The following USP13 variants were observed in gnomAD, a reference collection of about 807,000 sequenced individuals.
The protein encoded by USP13 is ubiquitin specific peptidase 13.
USP13 carries 68 observed loss-of-function variants against 107.8 expected under a neutral mutation model. That is an observed-to-expected ratio of 0.63 (90% CI 0.52 to 0.77). The LOEUF (loss-of-function observed/expected upper bound fraction) is 0.77, where lower values mean the gene tolerates loss of function less well. Ranked by LOEUF, USP13 falls within the 30% of genes least tolerant of loss-of-function variation. USP13 has a pLI of 0.00. For synonymous variants in USP13, 377 were observed against 389.5 expected (o/e 0.97, Z 0.38); for missense variants, 945 against 1,093.3 (o/e 0.86, Z 1.91).
chr3:179,762,129 T>C (rs1020185789), intron 17 of USP13, among the ~76,000 whole-genome samples: 4 of 152,226 alleles, frequency 2.6e-5, no homozygotes, highest in African/African-American at 4.8e-5. Flanking sequence ...GAATCTGTTT[T>C]CTGGATCAAG....
chr3:179,751,869 C>T (rs545220476), intron 13 of USP13, among the ~76,000 whole-genome samples: 7 of 151,870 alleles, frequency 4.6e-5, no homozygotes, highest in South Asian at 4.2e-4. Context: ...TACAGGCGTG[C>T]CCCAATCCCC....
At chr3:179,689,253 A>G (rs555253876) in intron 2 of USP13, among the ~76,000 whole-genome samples, 1 of 152,298 alleles carries the variant, frequency 6.6e-6, no homozygotes, top group African/African-American at 2.4e-5. Flanking sequence ...ATTATACTTG[A>G]TTTGAGAGTA....
intron 1 of USP13, among the ~76,000 whole-genome samples, chr3:179,664,447 C>T (rs927161019): frequency 2.6e-5 from 4 of 152,058 alleles, no homozygotes; most frequent in African/African-American, 9.7e-5. Flanking sequence ...TAGGTTTGAC[C>T]CTTGAAAAGC....
chr3:179,771,305 G>A (rs973218907), intron 19 of USP13, among the ~76,000 whole-genome samples: 8 of 152,158 alleles, frequency 5.3e-5, no homozygotes, highest in Non-Finnish European at 7.3e-5. Flanking sequence ...GTGAGACTCC[G>A]TTATGTGCCC....
chr3:179,726,186 A>G (rs1713509600), intron 8 of USP13, among the ~76,000 whole-genome samples: 1 of 152,224 alleles, frequency 6.6e-6, no homozygotes, highest in African/African-American at 2.4e-5. Flanking sequence ...GGAGCTGCCA[A>G]GCAAGGATCT....
chr3:179,670,515 G>A (rs896229006), intron 1 of USP13, among the ~76,000 whole-genome samples: 2 of 151,978 alleles, frequency 1.3e-5, no homozygotes, highest in African/African-American at 2.4e-5. Flanking sequence ...CAGTGTTCCC[G>A]ATTAGTTTCA....
rs917157711 is a variant in USP13 at position 179,784,390 on chromosome 3, CA to C, written c.*256del. On this transcript the variant is annotated 3_prime_UTR_variant, in exon 21 of 21. Transcript: ENST00000263966. ...TCAAAAAGATGATGATATTTAAAAA[CA>C]AAAAAAGTATTCATATTGCTGGTGG... The C allele has an allele frequency of 4.7e-5, 18 of 379,758 alleles. No homozygotes were observed. The highest frequency in any genetic ancestry group is 7.5e-5 in the Non-Finnish European group (16 of 212,196). 23.5% of individuals were successfully genotyped at this position (379,758 alleles called of 1,614,324 possible). A position where few individuals can be genotyped will look rare whatever the true frequency, so the allele number is the denominator to read the frequency against.
chr3:179,716,635 C>A (rs1450524971), intron 6 of USP13, among the ~76,000 whole-genome samples: 1 of 152,108 alleles, frequency 6.6e-6, no homozygotes, highest in African/African-American at 2.4e-5. Flanking sequence ...TCGTTTTAAT[C>A]TCTGGGAATT....
At chr3:179,771,278 T>G (rs1394187578) in intron 19 of USP13, among the ~76,000 whole-genome samples, 1 of 152,198 alleles carries the variant, frequency 6.6e-6, no homozygotes, top group Non-Finnish European at 1.5e-5. Context: ...GCAAAGGTCC[T>G]GAGAGCCTGA....
At chr3:179,682,948 C>T (rs549391065) in intron 2 of USP13, among the ~76,000 whole-genome samples, 1 of 152,156 alleles carries the variant, frequency 6.6e-6, no homozygotes, top group Admixed American at 6.5e-5. Context: ...ATTATGATTT[C>T]TTGCTTTCCC....
At chr3:179,713,251 C>CT (rs1300401254) in intron 6 of USP13, among the ~76,000 whole-genome samples, 1 of 152,124 alleles carries the variant, frequency 6.6e-6, no homozygotes, top group Non-Finnish European at 1.5e-5. Flanking sequence ...ATAATGTTAA[C>CT]TTTTTGAAAA....
chr3:179,689,928 G>C (rs979187972), intron 2 of USP13, among the ~76,000 whole-genome samples: 1 of 152,110 alleles, frequency 6.6e-6, no homozygotes, highest in African/African-American at 2.4e-5. Context: ...GTCAGGCCTG[G>C]GCTCCTGCCC....
chr3:179,666,170 T>C (rs1319694281), intron 1 of USP13, among the ~76,000 whole-genome samples: 1 of 152,146 alleles, frequency 6.6e-6, no homozygotes, highest in African/African-American at 2.4e-5. Flanking sequence ...CTTGATAAGG[T>C]TAGACCTGAG....
At chr3:179,656,814 T>C (rs1323703105) in intron 1 of USP13, among the ~76,000 whole-genome samples, 2 of 152,226 alleles carry the variant, frequency 1.3e-5, no homozygotes, top group South Asian at 2.1e-4. Flanking sequence ...GCGACCTTCC[T>C]GGAGAGTGGG....
Position 179,721,663 on chromosome 3 carries a change from G to C in USP13, c.1088+74G>C. 2.0e-6 allele frequency: 3 copies of C among 1,495,274 alleles called. No individual in the cohort carries two copies. In the East Asian group the frequency reaches 6.9e-5, roughly 34 times the overall value. The allele number at this position is 1,495,274 out of a possible 1,614,324, so 92.6% of individuals were successfully genotyped here. On this transcript the variant is annotated intron_variant, in intron 8 of 20. Coordinates refer to ENST00000263966, the MANE Select transcript of USP13 (RefSeq NM_003940.3). This position sits in a 1 kb window ranked among gnomAD's most constrained non-coding sequence, Gnocchi z 4.3. ...TCTAGGTCCAGTCCACTCAGTGTGC[G>C]CTGCGAAGCCCATCTTTATTGCTTC...
At chr3:179,725,465 C>T (rs1465539176) in intron 8 of USP13, among the ~76,000 whole-genome samples, 1 of 152,210 alleles carries the variant, frequency 6.6e-6, no homozygotes, top group Non-Finnish European at 1.5e-5. Context: ...TTGAATGGGA[C>T]TGGCCCAAAG....
In USP13 at chr3:179,760,966, C is replaced by G. The variant is rs140337817; in HGVS notation, c.1949-146C>G. On this transcript the variant is annotated intron_variant, in intron 16 of 20. Coordinates refer to ENST00000263966, the MANE Select transcript of USP13 (RefSeq NM_003940.3). ...GCTTTAATATTTGTGTGGCTTAAAACAAAACTAAACAAAGTAAAACCATTA... is the reference window on the plus strand; with the variant it reads ...GCTTTAATATTTGTGTGGCTTAAAAGAAAACTAAACAAAGTAAAACCATTA... 119 of 1,049,074 alleles carry G rather than the reference C, an allele frequency of 1.1e-4. No individual in the cohort carries two copies. In the African/African-American group the frequency reaches 1.8e-3, roughly 16 times the overall value. 65.0% of individuals were successfully genotyped at this position (1,049,074 alleles called of 1,614,324 possible). A position where few individuals can be genotyped will look rare whatever the true frequency, so the allele number is the denominator to read the frequency against.
At chr3:179,740,605 C>T (rs1378398958) in intron 11 of USP13, among the ~76,000 whole-genome samples, 1 of 152,030 alleles carries the variant, frequency 6.6e-6, no homozygotes, top group Non-Finnish European at 1.5e-5. Flanking sequence ...TTCTTTTAAC[C>T]TGTATGTGTT....
At chr3:179,756,207 G>A (rs1714787975) in intron 15 of USP13, among the ~76,000 whole-genome samples, 3 of 152,038 alleles carry the variant, frequency 2.0e-5, no homozygotes, top group South Asian at 4.1e-4. Context: ...GGCAGATCAC[G>A]AAGTCAGGAG....
Sources: allele counts gnomAD v4.1 joint callset (sites outside exome capture counted in the v4.1 genomes callset), GRCh38; gene constraint gnomAD v4.1.1; non-coding constraint Gnocchi (gnomAD v3.1); transcripts MANE v1.5; gene names NCBI Gene and HGNC (gene_info 2026-07-23, HGNC 2026-07-21).